The following IQCH variants were observed in gnomAD, a reference collection of about 807,000 sequenced individuals.
IQCH encodes IQ domain-containing protein H.
A neutral mutation model predicts 117.0 loss-of-function variants in IQCH; 98 were observed. The observed-to-expected ratio is 0.84, with a 90% CI of 0.71 to 0.99. The LOEUF is 0.99. IQCH is among the 50% of genes least tolerant of loss of function. IQCH has a pLI of 0.00. For synonymous variants in IQCH, 412 were observed against 448.2 expected, an observed-to-expected ratio of 0.92 and a Z score of 1.02; for missense variants, 1,102 against 1,243.8, an observed-to-expected ratio of 0.89 and a Z score of 1.72.
chr15:67,331,136 G>A (rs1968649115), intron 4 of IQCH, among the ~76,000 whole-genome samples: 1 of 152,164 alleles, frequency 6.6e-6, no homozygotes, highest in Non-Finnish European at 1.5e-5. Flanking sequence ...TGGATTTCCT[G>A]TGGTCTTTGT....
chr15:67,300,317 T>C (rs953205317), intron 4 of IQCH, among the ~76,000 whole-genome samples: 6 of 152,136 alleles, frequency 3.9e-5, no homozygotes, highest in Non-Finnish European at 5.9e-5. Context: ...AATAGTACTT[T>C]ATAATTTACA....
intron 6 of IQCH, among the ~76,000 whole-genome samples, chr15:67,347,669 T>C (rs1220655570): frequency 6.6e-6 from 1 of 151,428 alleles, no homozygotes; most frequent in East Asian, 1.9e-4. Flanking sequence ...TCCCAGATAA[T>C]TTTATGAAGC....
intron 4 of IQCH, among the ~76,000 whole-genome samples, chr15:67,329,410 C>T (rs1031382876): frequency 2.0e-5 from 3 of 151,914 alleles, no homozygotes; most frequent in Non-Finnish European, 2.9e-5. Context: ...TTCATTAATT[C>T]CTCACAATAG....
chr15:67,374,299 T>C (rs927245601), intron 10 of IQCH: 3 of 152,256 alleles, frequency 2.0e-5, no homozygotes, highest in African/African-American at 4.8e-5. Context: ...GCACAACCCA[T>C]TGAATCTCTT....
chr15:67,372,277 A>G lies in IQCH; in HGVS notation c.920A>G (p.Lys307Arg). ...GIFSLLEHVE[K>R]FLRNYAIPEV... is the part of the protein sequence containing the mutation. ...TTTTCTCTCTTGGAACACGTCGAGA[A>G]GTTTCTCAGGAACTATGCTATACCA... The change falls in exon 9 of 21, where the codon AAG (lysine) becomes AGG (arginine). Residue 307 changes from lysine to arginine, a missense_variant. This residue lies in a region of IQCH where 452 missense variants were observed against 449.6 expected (regional missense o/e 1.01). Transcript: ENST00000335894. The G allele has an allele frequency of 6.2e-7, 1 of 1,614,146 alleles. No homozygotes were observed. The highest frequency in any genetic ancestry group is 8.5e-7 in the Non-Finnish European group (1 of 1,180,010).
rs1301904061 is a variant in IQCH, at chr15:67,494,471, AAGC to A, written c.2970+108_2970+110del. The A allele has an allele frequency of 1.4e-6, 1 of 710,684 alleles. No individual in the cohort carries two copies. Among genetic ancestry groups the A allele is most frequent in the Non-Finnish European group, 2.3e-6 (1 of 426,460 alleles). 44.0% of individuals were successfully genotyped at this position (710,684 alleles called of 1,614,324 possible). ...TGCTAAACCATCTTTTTTTTATTGT[AAGC>A]AGTACATATTTTACAGTGTGCAGGG... On this transcript the variant is annotated intron_variant, in intron 20 of 20. Coordinates refer to ENST00000335894, the MANE Select transcript of IQCH (RefSeq NM_001031715.3). This position sits in a 1 kb window ranked among gnomAD's most constrained non-coding sequence, Gnocchi z 5.5.
At chr15:67,469,112 C>T (rs1760278794) in intron 17 of IQCH, among the ~76,000 whole-genome samples, 1 of 119,134 alleles carries the variant, frequency 8.4e-6, no homozygotes. Flanking sequence ...TAGACTTCTA[C>T]CAAGAATATT....
intron 14 of IQCH, 110 bp downstream of exon 14, chr15:67,400,415 A>C (rs1596311298): frequency 1.5e-6 from 1 of 689,584 alleles, no homozygotes. Context: ...TAGCTCTGTC[A>C]CCTGCCAGCA....
In IQCH at chr15:67,373,670, T is replaced by C. The variant is rs1424999899; in HGVS notation, c.1372+237T>C. On this transcript the variant is annotated intron_variant, in intron 10 of 20. Transcript: ENST00000335894. ...GCTATTCAGTGGAGAGGTGATTTGC[T>C]GTAATTCGCTTTCATCTGTATGAAA... 6 of 605,952 alleles carry C rather than the reference T, an allele frequency of 9.9e-6. No homozygotes were observed. In the Admixed American group the frequency reaches 1.8e-4, roughly 18 times the overall value. 37.5% of individuals were successfully genotyped at this position (605,952 alleles called of 1,614,324 possible). A position where few individuals can be genotyped will look rare whatever the true frequency, so the allele number is the denominator to read the frequency against.
intron 4 of IQCH, among the ~76,000 whole-genome samples, chr15:67,287,929 G>C (rs1414929984): frequency 6.6e-6 from 1 of 151,588 alleles, no homozygotes; most frequent in Non-Finnish European, 1.5e-5. Context: ...CACAGGTTTT[G>C]GTATGTTGTT....
intron 9 of IQCH, among the ~76,000 whole-genome samples, chr15:67,372,887 A>G (rs1329227303): frequency 6.6e-6 from 1 of 151,750 alleles, no homozygotes; most frequent in African/African-American, 2.4e-5. Context: ...TGCCTGCAAA[A>G]TCTGTTGCAA....
chr15:67,397,287 G>A (rs1250501407), intron 13 of IQCH, among the ~76,000 whole-genome samples: 1 of 152,178 alleles, frequency 6.6e-6, no homozygotes, highest in Non-Finnish European at 1.5e-5. Context: ...TATGTTGATT[G>A]TAGTTAAAGA....
intron 14 of IQCH, among the ~76,000 whole-genome samples, 186 bp downstream of exon 14, chr15:67,400,491 C>CTTTTCTTTTCTTTTTTTTT (rs776111763): frequency 8.7e-6 from 1 of 115,600 alleles, no homozygotes; most frequent in Non-Finnish European, 1.7e-5. Context: ...TCTTTTTTTT[C>CTTTTCTTTTCTTTTTTTTT]TTTTTTTTTT....
rs1003899170 is a variant in IQCH at position 67,494,423 on chromosome 15, C to A, written c.2970+57C>A. Reference sequence around the variant, plus strand: ...AATTTCTATACAAGGGCTGAAAATACCTCATGCTGTATTGTAAACAAGTGC... The same window carrying A: ...AATTTCTATACAAGGGCTGAAAATAACTCATGCTGTATTGTAAACAAGTGC... On this transcript the variant is annotated intron_variant, in intron 20 of 20. Coordinates refer to ENST00000335894, the MANE Select transcript of IQCH (RefSeq NM_001031715.3). The surrounding 1 kb of genome is among the most constrained non-coding windows in gnomAD (Gnocchi z 5.5). 4.3e-6 allele frequency: 5 copies of A among 1,165,646 alleles called. No homozygotes were observed. Among genetic ancestry groups the A allele is most frequent in the Non-Finnish European group, 6.3e-6 (5 of 792,302 alleles). 72.2% of individuals were successfully genotyped at this position (1,165,646 alleles called of 1,614,324 possible). A position where few individuals can be genotyped will look rare whatever the true frequency, so the allele number is the denominator to read the frequency against.
At chr15:67,428,573 G>A (rs574004744) in intron 16 of IQCH, among the ~76,000 whole-genome samples, 21 of 152,154 alleles carry the variant, frequency 1.4e-4, no homozygotes, top group African/African-American at 4.8e-4. Context: ...GAGGCAGGCC[G>A]GGTGCGGTGA....
rs907671250 is a variant in IQCH, at chr15:67,279,521, A to G, written c.387+9A>G. The G allele has an allele frequency of 9.4e-6, 14 of 1,491,548 alleles. No individual in the cohort carries two copies. Among genetic ancestry groups the G allele is most frequent in the Non-Finnish European group, 1.3e-5 (14 of 1,078,638 alleles). The allele number at this position is 1,491,548 out of a possible 1,614,324, so 92.4% of individuals were successfully genotyped here. A position where few individuals can be genotyped will look rare whatever the true frequency, so the allele number is the denominator to read the frequency against. On this transcript the variant is annotated intron_variant, in intron 4 of 20. Coordinates refer to ENST00000335894, the MANE Select transcript of IQCH (RefSeq NM_001031715.3). ...TCTTTCCAAGAGCAAAGGTAGGTATAGAGAAATTCATAGAGACAGAAAGTA... is the reference window on the plus strand; with the variant it reads ...TCTTTCCAAGAGCAAAGGTAGGTATGGAGAAATTCATAGAGACAGAAAGTA...
chr15:67,297,189 A>G (rs184869663), intron 4 of IQCH, among the ~76,000 whole-genome samples: 1 of 152,204 alleles, frequency 6.6e-6, no homozygotes, highest in East Asian at 1.9e-4. Context: ...AGAGCATAGA[A>G]TGTTAGAGCT....
chr15:67,264,363 C>G (rs1381786840), intron 3 of IQCH, among the ~76,000 whole-genome samples: 1 of 152,230 alleles, frequency 6.6e-6, no homozygotes, highest in Non-Finnish European at 1.5e-5. Context: ...AATCTGGGCA[C>G]AGGTGAGCTA....
At chr15:67,478,668 G>A (rs1443527441) in intron 18 of IQCH, among the ~76,000 whole-genome samples, 1 of 152,140 alleles carries the variant, frequency 6.6e-6, no homozygotes, top group Non-Finnish European at 1.5e-5. Context: ...GCTCATGCCT[G>A]TAATCCCAGC....
Sources: allele counts gnomAD v4.1 joint callset (sites outside exome capture counted in the v4.1 genomes callset), GRCh38; gene constraint gnomAD v4.1.1; regional missense constraint gnomAD v4.1.1; non-coding constraint Gnocchi (gnomAD v3.1); transcripts MANE v1.5; gene names NCBI Gene and HGNC (gene_info 2026-07-23, HGNC 2026-07-21).